Variants in STK3 observed in about 807,000 individuals in gnomAD.
The protein encoded by STK3 is serine/threonine kinase 3, also known as serine/threonine-protein kinase 3.
In STK3, 41 loss-of-function variants were observed where a neutral mutation model predicts 58.0. The observed-to-expected ratio is 0.71, with a 90% CI of 0.55 to 0.92. The LOEUF (loss-of-function observed/expected upper bound fraction) is 0.92, where lower values mean the gene tolerates loss of function less well. STK3 is among the 40% of genes least tolerant of loss of function. The pLI is 0.00. For missense variants in STK3, 479 were observed against 602.7 expected (o/e 0.79, Z 2.15); for synonymous variants, 170 against 191.0 (o/e 0.89, Z 0.91).
rs191868372 is a variant in STK3 at position 98,674,062 on chromosome 8, A to G, written c.684+32405T>C. Among the ~76,000 whole-genome samples, 1,284 of 152,312 alleles carry G rather than the reference A, an allele frequency of 8.4e-3. 9 individuals are homozygous for G. Among genetic ancestry groups the G allele is most frequent in the African/African-American group, 0.029 (1,208 of 41,582 alleles). On this transcript the variant is annotated intron_variant, in intron 6 of 10. Coordinates refer to ENST00000419617, the MANE Select transcript of STK3 (RefSeq NM_006281.4). ...TCTACAAGGAACTCTCGCTTCCTCC[A>G]AAAGAGACACTCAGAGAGAAAATAC...
At chr8:98,461,973 T>G (rs934164796) in intron 10 of STK3, among the ~76,000 whole-genome samples, 1 of 152,064 alleles carries the variant, frequency 6.6e-6, no homozygotes, top group Non-Finnish European at 1.5e-5. Flanking sequence ...CTTTTTTTTT[T>G]TGTGGGTGCA....
intron 6 of STK3, among the ~76,000 whole-genome samples, chr8:98,703,428 A>G (rs1179434152): frequency 6.6e-6 from 1 of 152,146 alleles, no homozygotes; most frequent in African/African-American, 2.4e-5. Flanking sequence ...AAACTTCAAT[A>G]TTTCACTCAC....
chr8:98,845,731 T>C (rs1396431633), intron 3 of STK3, among the ~76,000 whole-genome samples: 3 of 152,234 alleles, frequency 2.0e-5, no homozygotes, highest in East Asian at 1.9e-4. Context: ...CAGCATTCAA[T>C]TGTGGGCAAA....
intron 1 of STK3, among the ~76,000 whole-genome samples, chr8:98,775,461 A>G (rs1831614439): frequency 6.6e-6 from 1 of 152,244 alleles, no homozygotes; most frequent in African/African-American, 2.4e-5. Context: ...AGACGCACCA[A>G]TGATAGGTTC....
At chr8:98,803,144 C>G (rs1366296842) in intron 1 of STK3, among the ~76,000 whole-genome samples, 1 of 152,124 alleles carries the variant, frequency 6.6e-6, no homozygotes, top group Non-Finnish European at 1.5e-5. Context: ...GGGGGAAAAC[C>G]TTTAAAATTG....
At chr8:98,792,180 C>T (rs762051814) in intron 1 of STK3, among the ~76,000 whole-genome samples, 12 of 152,214 alleles carry the variant, frequency 7.9e-5, no homozygotes, top group South Asian at 4.2e-4. Context: ...AGAAGATATA[C>T]GAATGGCCAA....
chr8:98,422,159 T>C (rs1370216086), intron 3 of STK3, among the ~76,000 whole-genome samples: 1 of 152,176 alleles, frequency 6.6e-6, no homozygotes, highest in African/African-American at 2.4e-5. Flanking sequence ...GACTCACCTA[T>C]AAAACAAATT....
At chr8:98,802,126 T>C (rs910823910) in intron 1 of STK3, among the ~76,000 whole-genome samples, 8 of 152,180 alleles carry the variant, frequency 5.3e-5, no homozygotes, top group Admixed American at 1.3e-4. Flanking sequence ...GAGCTATGAC[T>C]GTGCCACTGC....
intron 6 of STK3, among the ~76,000 whole-genome samples, chr8:98,627,983 A>G (rs1239518261): frequency 6.6e-6 from 1 of 152,240 alleles, no homozygotes; most frequent in Non-Finnish European, 1.5e-5. Flanking sequence ...TACTACAAAT[A>G]TTTGTGGTTG....
At chr8:98,446,228 CTT>C (rs1342170119) in intron 1 of STK3, among the ~76,000 whole-genome samples, 1 of 152,206 alleles carries the variant, frequency 6.6e-6, no homozygotes, top group Non-Finnish European at 1.5e-5. Flanking sequence ...TCCTGCAGGG[CTT>C]TGTTTACATC....
chr8:98,409,618 CTTGCAATGTGAATT>C (rs886766494), intron 3 of STK3, among the ~76,000 whole-genome samples: 2 of 152,252 alleles, frequency 1.3e-5, no homozygotes, highest in Non-Finnish European at 2.9e-5. Flanking sequence ...GCTACCGCAC[CTTGCAATGTGAATT>C]TTGCAATGTG....
Position 98,492,782 on chromosome 8 carries a change from G to A in STK3, c.1317+33960C>T, listed in dbSNP as rs150188468. ...CCCACTCTTATCCTCTAATTCCTTT[G>A]ACCCAGAGTAACACTTCTCCCTCTT... On this transcript the variant is annotated intron_variant, in intron 10 of 10. Coordinates refer to ENST00000419617, the MANE Select transcript of STK3 (RefSeq NM_006281.4). 1.8e-3 allele frequency among the ~76,000 whole-genome samples: 278 copies of A among 152,230 alleles called. 1 individual carries two copies. Among genetic ancestry groups the A allele is most frequent in the African/African-American group, 6.6e-3 (273 of 41,544 alleles).
intron 1 of STK3, among the ~76,000 whole-genome samples, chr8:98,909,230 C>T (rs1839040012): frequency 1.3e-5 from 2 of 152,188 alleles, no homozygotes; most frequent in South Asian, 2.1e-4. Context: ...TTATTTTATA[C>T]AGGCTCCTGG....
At chr8:98,369,430 G>C (rs971334882), downstream of STK3, among the ~76,000 whole-genome samples, 1 of 152,064 alleles carries the variant, frequency 6.6e-6, no homozygotes, top group African/African-American at 2.4e-5. Context: ...ATCTTTTTTT[G>C]TGTATTTTTA....
chr8:98,420,523 G>A (rs1818159044), intron 3 of STK3, among the ~76,000 whole-genome samples: 1 of 152,148 alleles, frequency 6.6e-6, no homozygotes, highest in Non-Finnish European at 1.5e-5. Context: ...ACCCACTGGG[G>A]GACTTGGAAT....
In STK3 at chr8:98,526,843, T is replaced by C; in HGVS notation, c.1216A>G (p.Ser406Gly). ...YFDKQDFKNK[S>G]HENCNQNMHE... is the part of the protein sequence containing the mutation. ...ATGTTCTGATTACAGTTTTCGTGACTCTTATTCTTGAAGTCTTGCTTATCA... is the reference window on the plus strand; with the variant it reads ...ATGTTCTGATTACAGTTTTCGTGACCCTTATTCTTGAAGTCTTGCTTATCA... Residue 406 changes from serine to glycine, a missense_variant, in exon 10 of 11, where the codon AGT (serine) becomes GGT (glycine). By Grantham distance (56) the Ser-to-Gly change is moderately conservative. This residue lies in a region of STK3 where 309 missense variants were observed against 355.7 expected (regional missense o/e 0.87). Transcript: ENST00000419617. The C allele has an allele frequency of 6.2e-7, 1 of 1,600,384 alleles. No homozygotes were observed. The highest frequency in any genetic ancestry group is 8.5e-7 in the Non-Finnish European group (1 of 1,171,318).
chr8:98,900,713 G>C (rs531369212), intron 1 of STK3, among the ~76,000 whole-genome samples: 1 of 150,234 alleles, frequency 6.7e-6, no homozygotes, highest in African/African-American at 2.5e-5. Context: ...CCAGGCTGGA[G>C]TGCAGTGGTG....
At chr8:98,655,943 C>G (rs1276143051) in intron 6 of STK3, among the ~76,000 whole-genome samples, 4 of 152,178 alleles carry the variant, frequency 2.6e-5, no homozygotes, top group Non-Finnish European at 5.9e-5. Context: ...CCTCAGGGAT[C>G]TAGAACTAGA....
intron 7 of STK3, among the ~76,000 whole-genome samples, chr8:98,584,125 T>C (rs2131752959): frequency 6.6e-6 from 1 of 152,200 alleles, no homozygotes; most frequent in African/African-American, 2.4e-5. Context: ...TACTTTAAGT[T>C]TTAGGGTACA....
Sources: gnomAD v4.1 joint callset for allele counts (sites outside exome capture counted in the v4.1 genomes callset) on GRCh38, gnomAD v4.1.1 for gene constraint, gnomAD v4.1.1 regional missense constraint, MANE v1.5 for transcripts, NCBI Gene and HGNC (gene_info 2026-07-23, HGNC 2026-07-21) for gene names.